The following SEMA5A variants were observed in gnomAD, a reference collection of about 807,000 sequenced individuals.
SEMA5A encodes semaphorin-5A.
In SEMA5A, 55 loss-of-function variants were observed where a neutral mutation model predicts 135.5. The ratio of observed to expected loss-of-function variants is 0.41; its 90% CI spans 0.33 to 0.51. The LOEUF is 0.51. Among genes scored for constraint, SEMA5A ranks in the 20% least tolerant of loss-of-function variants. The pLI is 0.37. For synonymous variants in SEMA5A, 580 were observed against 546.5 expected (o/e 1.06, Z -0.85); for missense variants, 1,290 against 1,419.9 (o/e 0.91, Z 1.47).
intron 2 of SEMA5A, among the ~76,000 whole-genome samples, chr5:9,394,297 C>CA (rs1212905752): frequency 6.6e-6 from 1 of 152,142 alleles, no homozygotes; most frequent in Non-Finnish European, 1.5e-5. Context: ...AGGTCCAAAT[C>CA]AAACACCAGC....
At chr5:9,128,295 G>C (rs73740342) in intron 13 of SEMA5A, among the ~76,000 whole-genome samples, 11,462 of 152,280 alleles carry the variant, frequency 0.075, 471 homozygotes, top group South Asian at 0.15. Flanking sequence ...AGTTGGGCCA[G>C]TGCTGGGTCT....
At chr5:9,164,779 G>C (rs1743514223) in intron 11 of SEMA5A, among the ~76,000 whole-genome samples, 1 of 151,942 alleles carries the variant, frequency 6.6e-6, no homozygotes, top group Non-Finnish European at 1.5e-5. Context: ...CTAAAGAAAA[G>C]GTCTCTGATT....
chr5:9,071,277 G>A (rs1737754280), intron 16 of SEMA5A, among the ~76,000 whole-genome samples: 1 of 152,110 alleles, frequency 6.6e-6, no homozygotes, highest in South Asian at 2.1e-4. Flanking sequence ...TACAGTCATG[G>A]CTTCCTGTGT....
intron 2 of SEMA5A, among the ~76,000 whole-genome samples, chr5:9,394,603 C>G (rs1756309054): frequency 6.6e-6 from 1 of 152,090 alleles, no homozygotes; most frequent in Non-Finnish European, 1.5e-5. Context: ...GAAAGAAGCC[C>G]CAGGTTGATC....
chr5:9,410,616 A>C (rs2126602478), intron 2 of SEMA5A, among the ~76,000 whole-genome samples: 1 of 152,308 alleles, frequency 6.6e-6, no homozygotes, highest in African/African-American at 2.4e-5. Context: ...GGAACAGAAA[A>C]CCAAACACTG....
chr5:9,206,077 C>T (rs1490013413), intron 8 of SEMA5A, among the ~76,000 whole-genome samples: 1 of 152,080 alleles, frequency 6.6e-6, no homozygotes, highest in Non-Finnish European at 1.5e-5. Context: ...TGTCTTTTCT[C>T]AAAATGCAAT....
intron 14 of SEMA5A, among the ~76,000 whole-genome samples, chr5:9,120,332 A>G (rs1409642467): frequency 6.6e-6 from 1 of 152,132 alleles, no homozygotes. Context: ...AGGTCCTGCT[A>G]TAAATAATAT....
chr5:9,115,281 CA>C (rs1477243596), intron 15 of SEMA5A, among the ~76,000 whole-genome samples: 1 of 152,160 alleles, frequency 6.6e-6, no homozygotes, highest in African/African-American at 2.4e-5. Flanking sequence ...GTGCTCTCTT[CA>C]AGAAAAAGAA....
At chr5:9,076,847 A>G (rs924299662) in intron 16 of SEMA5A, among the ~76,000 whole-genome samples, 8 of 149,794 alleles carry the variant, frequency 5.3e-5, no homozygotes, top group Admixed American at 2.6e-4. Context: ...CAGCCAGTGC[A>G]TTGACTATGC....
At chr5:9,420,795 A>C (rs1172578645) in intron 2 of SEMA5A, among the ~76,000 whole-genome samples, 3 of 152,090 alleles carry the variant, frequency 2.0e-5, no homozygotes, top group Non-Finnish European at 4.4e-5. Flanking sequence ...CAGGTAGGTC[A>C]CAAGGTCAGG....
chr5:9,278,679 T>C (rs555486308), intron 5 of SEMA5A, among the ~76,000 whole-genome samples: 4 of 152,114 alleles, frequency 2.6e-5, no homozygotes, highest in Non-Finnish European at 5.9e-5. Context: ...CAGAACACAG[T>C]GCCCTGTATC....
Position 9,426,152 on chromosome 5 carries a change from T to C in SEMA5A, c.-78+11604A>G, listed in dbSNP as rs1463883231. ...GAAAATCCACATTATTAAATTTGTA[T>C]TGTGGCCGGGCGCAGTGGCTCACAC... On this transcript the variant is annotated intron_variant, in intron 2 of 22. Transcript: ENST00000382496. Among the ~76,000 whole-genome samples, 4 of 152,238 alleles carry C rather than the reference T, an allele frequency of 2.6e-5. 1 individual carries two copies. In the East Asian group the frequency reaches 5.8e-4, roughly 22 times the overall value.
rs571404627 is a variant in SEMA5A, at chr5:9,374,577, T to C, written c.124+5246A>G. On this transcript the variant is annotated intron_variant, in intron 3 of 22. Transcript: ENST00000382496. ...AGAGACCACTTGTTCAGCTGTAACA[T>C]GAGCCATTTCAAGGCCTGACTGGGT... is the stretch of plus-strand genomic sequence containing the variant. 2.6e-4 allele frequency among the ~76,000 whole-genome samples: 39 copies of C among 152,062 alleles called. 2 individuals carry two copies. In the East Asian group the frequency reaches 6.8e-3, roughly 26 times the overall value.
At chr5:9,421,144 C>T (rs1240857751) in intron 2 of SEMA5A, among the ~76,000 whole-genome samples, 1 of 152,230 alleles carries the variant, frequency 6.6e-6, no homozygotes, top group Non-Finnish European at 1.5e-5. Flanking sequence ...TCAGTGTGAA[C>T]AGTCTAGTGT....
intron 8 of SEMA5A, among the ~76,000 whole-genome samples, chr5:9,207,102 GTA>G (rs70943947): frequency 0.023 from 2,254 of 97,612 alleles, 89 homozygotes; most frequent in African/African-American, 0.079. Context: ...ATGATCAAGT[GTA>G]TATATATATA....
intron 5 of SEMA5A, among the ~76,000 whole-genome samples, chr5:9,291,379 C>T (rs865901751): frequency 7.2e-5 from 11 of 152,188 alleles, no homozygotes; most frequent in African/African-American, 2.7e-4. Flanking sequence ...AGCCTAACTC[C>T]TTTGACCAAT....
intron 1 of SEMA5A, among the ~76,000 whole-genome samples, chr5:9,519,648 T>C (rs963380505): frequency 6.6e-6 from 1 of 152,230 alleles, no homozygotes; most frequent in South Asian, 2.1e-4. Context: ...CCCATCACCA[T>C]GCATGTGCTG....
Position 9,397,497 on chromosome 5 carries a change from C to G in SEMA5A, c.-77-17474G>C, listed in dbSNP as rs565389828. On this transcript the variant is annotated intron_variant, in intron 2 of 22. Transcript: ENST00000382496. ...CAGTGCCAGGTCCACTGCAAGTACTCAATAATGGTTAGACATGACAATGCA... is the reference window on the plus strand; with the variant it reads ...CAGTGCCAGGTCCACTGCAAGTACTGAATAATGGTTAGACATGACAATGCA... Among the ~76,000 whole-genome samples the G allele has an allele frequency of 2.6e-5, 4 of 152,236 alleles. No individual in the cohort carries two copies. The South Asian group carries it at 8.3e-4, about 32-fold the overall frequency.
intron 1 of SEMA5A, among the ~76,000 whole-genome samples, chr5:9,452,749 G>A (rs189188787): frequency 6.6e-6 from 1 of 152,276 alleles, no homozygotes; most frequent in African/African-American, 2.4e-5. Context: ...TACCCAGTTT[G>A]TTACTGAAGA....
Sources: gnomAD v4.1 joint callset for allele counts (sites outside exome capture counted in the v4.1 genomes callset) on GRCh38, gnomAD v4.1.1 for gene constraint, MANE v1.5 for transcripts, NCBI Gene and HGNC (gene_info 2026-07-23, HGNC 2026-07-21) for gene names.